The following GPC6 variants were observed in gnomAD, a reference collection of about 807,000 sequenced individuals.
The protein encoded by GPC6 is glypican-6.
In GPC6, 14 loss-of-function variants were observed where a neutral mutation model predicts 55.2. The observed-to-expected ratio is 0.25, with a 90% CI of 0.17 to 0.40. GPC6 has a LOEUF of 0.40. Among genes scored for constraint, GPC6 ranks in the 10% least tolerant of loss-of-function variants. GPC6 has a pLI of 1.00. For synonymous variants in GPC6, 278 were observed against 259.6 expected (o/e 1.07, Z -0.68); for missense variants, 641 against 708.5 (o/e 0.90, Z 1.08).
At chr13:93,873,435 A>G (rs1390720219) in intron 3 of GPC6, among the ~76,000 whole-genome samples, 1 of 151,912 alleles carries the variant, frequency 6.6e-6, no homozygotes, top group African/African-American at 2.4e-5. Flanking sequence ...CTCTTGTTCC[A>G]TACATATAGA....
intron 1 of GPC6, among the ~76,000 whole-genome samples, chr13:93,353,247 A>G (rs1880694832): frequency 6.6e-6 from 1 of 152,314 alleles, no homozygotes; most frequent in Non-Finnish European, 1.5e-5. Flanking sequence ...TGCTAGCATC[A>G]TGATGGTTTT....
intron 1 of GPC6, among the ~76,000 whole-genome samples, chr13:93,463,341 C>T (rs1445273): frequency 0.18 from 27,550 of 152,102 alleles, 3,033 homozygotes; most frequent in East Asian, 0.48. Context: ...GCGAAAATGG[C>T]CGTCACAACT....
At chr13:93,403,124 A>G (rs927944032) in intron 1 of GPC6, among the ~76,000 whole-genome samples, 2 of 152,230 alleles carry the variant, frequency 1.3e-5, no homozygotes, top group Admixed American at 1.3e-4. Flanking sequence ...AAAATAGATC[A>G]GATATACATA....
At chr13:93,421,962 T>C (rs558616620) in intron 1 of GPC6, among the ~76,000 whole-genome samples, 1 of 152,342 alleles carries the variant, frequency 6.6e-6, no homozygotes, top group African/African-American at 2.4e-5. Flanking sequence ...AATTACATTA[T>C]AGTTGCAATT....
At chr13:94,012,178 C>A (rs1272191806) in intron 3 of GPC6, among the ~76,000 whole-genome samples, 1 of 152,178 alleles carries the variant, frequency 6.6e-6, no homozygotes, top group Non-Finnish European at 1.5e-5. Context: ...TTGCTAATGA[C>A]AGTTCATGGC....
chr13:93,775,158 T>A (rs1885427019), intron 2 of GPC6, among the ~76,000 whole-genome samples: 1 of 152,182 alleles, frequency 6.6e-6, no homozygotes. Flanking sequence ...ATCCTCATTA[T>A]CTCATTTTGT....
chr13:93,819,972 A>G (rs1886986593), intron 2 of GPC6, among the ~76,000 whole-genome samples: 1 of 152,316 alleles, frequency 6.6e-6, no homozygotes, highest in South Asian at 2.1e-4. Flanking sequence ...ATTGCTTCAA[A>G]TCTCCCTATA....
chr13:93,395,716 A>C (rs1875822660), intron 1 of GPC6: 1 of 153,632 alleles, frequency 6.5e-6, no homozygotes, highest in Admixed American at 6.5e-5. Flanking sequence ...ATTACCAGGT[A>C]GTCTGGGAGC....
intron 2 of GPC6, among the ~76,000 whole-genome samples, chr13:93,565,290 G>C (rs1267117764): frequency 6.6e-6 from 1 of 152,178 alleles, no homozygotes; most frequent in Non-Finnish European, 1.5e-5. Context: ...ACCTCAGCAG[G>C]TGTTGGCCCC....
In GPC6 at chr13:94,030,997, C is replaced by CTGTAGTTGGGGTG. The variant is rs1883103043; in HGVS notation, c.877+3107_877+3119dup. ...TGGTATTCCAACCACTACTGAAGTT[C>CTGTAGTTGGGGTG]TGTAGTTGGGGTGTGTGTGCGTGTG... is the stretch of plus-strand genomic sequence containing the variant. On this transcript the variant is annotated intron_variant, in intron 4 of 8. Transcript: ENST00000377047. Among the ~76,000 whole-genome samples, 3 of 152,074 alleles carry CTGTAGTTGGGGTG rather than the reference C, an allele frequency of 2.0e-5. No homozygotes were observed. The East Asian group carries it at 5.8e-4, about 29-fold the overall frequency.
intron 6 of GPC6, among the ~76,000 whole-genome samples, chr13:94,315,892 T>G (rs1247068332): frequency 6.6e-6 from 1 of 152,206 alleles, no homozygotes; most frequent in Admixed American, 6.5e-5. Context: ...TGGCCCAGGA[T>G]GGCTTTGAAT....
At chr13:93,330,029 A>C (rs962354942) in intron 1 of GPC6, among the ~76,000 whole-genome samples, 2 of 152,228 alleles carry the variant, frequency 1.3e-5, no homozygotes, top group Non-Finnish European at 2.9e-5. Context: ...TATCATATTG[A>C]ACAAGAATAA....
At chr13:94,378,853 A>G (rs1880024140) in intron 6 of GPC6, among the ~76,000 whole-genome samples, 1 of 152,224 alleles carries the variant, frequency 6.6e-6, no homozygotes, top group South Asian at 2.1e-4. Context: ...GTAAGAGTTC[A>G]TTTGTCCTAG....
intron 2 of GPC6, among the ~76,000 whole-genome samples, chr13:93,643,769 T>G (rs1388151236): frequency 6.6e-6 from 1 of 152,064 alleles, no homozygotes; most frequent in Non-Finnish European, 1.5e-5. Flanking sequence ...AGCTCAAGAT[T>G]CTTGTTATGC....
At chr13:93,385,255 G>A (rs1875347996) in intron 1 of GPC6, among the ~76,000 whole-genome samples, 1 of 152,234 alleles carries the variant, frequency 6.6e-6, no homozygotes, top group African/African-American at 2.4e-5. Context: ...GAGGCTGGAG[G>A]AGTGGACACC....
At chr13:93,232,812 AT>A (rs1470021332) in intron 1 of GPC6, among the ~76,000 whole-genome samples, 1 of 152,180 alleles carries the variant, frequency 6.6e-6, no homozygotes, top group Non-Finnish European at 1.5e-5. Context: ...CCTAACTTCA[AT>A]CACTAGTTTT....
intron 3 of GPC6, among the ~76,000 whole-genome samples, chr13:93,992,445 G>A (rs1881354160): frequency 6.6e-6 from 1 of 152,074 alleles, no homozygotes; most frequent in Non-Finnish European, 1.5e-5. Context: ...TATAGAGGCA[G>A]GGCTTTTATA....
At chr13:93,699,807 A>C (rs1882605483) in intron 2 of GPC6, among the ~76,000 whole-genome samples, 1 of 152,096 alleles carries the variant, frequency 6.6e-6, no homozygotes, top group African/African-American at 2.4e-5. Context: ...TAACAAGTGG[A>C]ATACATGCGT....
At chr13:94,346,025 T>G (rs1223339531) in intron 6 of GPC6, among the ~76,000 whole-genome samples, 1 of 152,084 alleles carries the variant, frequency 6.6e-6, no homozygotes, top group Non-Finnish European at 1.5e-5. Context: ...ATCCTTGGCT[T>G]GCAGCTGTAG....
Sources: allele counts gnomAD v4.1 joint callset (sites outside exome capture counted in the v4.1 genomes callset), GRCh38; gene constraint gnomAD v4.1.1; transcripts MANE v1.5; gene names NCBI Gene and HGNC (gene_info 2026-07-23, HGNC 2026-07-21).